MTMR7: variants seen among roughly 807,000 people sequenced by gnomAD.
The protein encoded by MTMR7 is phosphatidylinositol-3-phosphate phosphatase MTMR7.
MTMR7 carries 76 observed loss-of-function variants against 81.2 expected under a neutral mutation model. The observed-to-expected ratio is 0.94, with a 90% CI of 0.78 to 1.13. MTMR7 has a LOEUF of 1.13. MTMR7 is among the 50% of genes most tolerant of loss of function. MTMR7 has a pLI of 0.00. For synonymous variants in MTMR7, 372 were observed against 289.8 expected, an observed-to-expected ratio of 1.28 and a Z score of -2.88; for missense variants, 1,044 against 820.0, an observed-to-expected ratio of 1.27 and a Z score of -3.34.
intron 1 of MTMR7, among the ~76,000 whole-genome samples, chr8:17,380,703 A>T (rs934460265): frequency 1.3e-5 from 2 of 152,226 alleles, no homozygotes; most frequent in African/African-American, 4.8e-5. Context: ...AGCCACGTTC[A>T]TCCTTCACCA....
Position 17,341,290 on chromosome 8 carries a change from G to C in MTMR7, c.732+73C>G, listed in dbSNP as rs1819399775. 3.2e-6 allele frequency: 5 copies of C among 1,579,544 alleles called. No homozygotes were observed. The South Asian group carries it at 5.8e-5, about 18-fold the overall frequency. On this transcript the variant is annotated intron_variant, in intron 6 of 13. Coordinates refer to ENST00000180173, the MANE Select transcript of MTMR7 (RefSeq NM_004686.5). ...GAAGCAACCTGCACAAGAGATGGCAGTCGGCTAGCCTTTGCCTGTCTCCAG... is the reference window on the plus strand; with the variant it reads ...GAAGCAACCTGCACAAGAGATGGCACTCGGCTAGCCTTTGCCTGTCTCCAG...
intron 3 of MTMR7, among the ~76,000 whole-genome samples, chr8:17,364,188 C>G (rs945386509): frequency 2.0e-5 from 3 of 151,682 alleles, no homozygotes; most frequent in African/African-American, 7.3e-5. Flanking sequence ...CGCCACCACG[C>G]CCGGCTAATT....
chr8:17,299,244 T>G lies in MTMR7; in HGVS notation c.*618A>C, dbSNP rs1163769248. 6.6e-6 allele frequency: 1 copy of G among 152,184 alleles called. No individual in the cohort carries two copies. Among genetic ancestry groups the G allele is most frequent in the African/African-American group, 2.4e-5 (1 of 41,440 alleles). The allele number at this position is 152,184 out of a possible 1,614,324, so 9.4% of individuals were successfully genotyped here. A position where few individuals can be genotyped will look rare whatever the true frequency, so the allele number is the denominator to read the frequency against. ...ATAATGAGGAGAAACAGACTATAGATCTCAGAGAAAAGCAACAAAATTATT... is the reference window on the plus strand; with the variant it reads ...ATAATGAGGAGAAACAGACTATAGAGCTCAGAGAAAAGCAACAAAATTATT... On this transcript the variant is annotated 3_prime_UTR_variant, in exon 14 of 14. Transcript: ENST00000180173.
At position 17,302,806 on chromosome 8, in the gene MTMR7, G is replaced by A. The variant is rs572082930; in HGVS notation, c.1494-526C>T. ...CGGCTCCTTGCAACCTCCACCTCCC[G>A]GGTTCAAGCGATTCTCCTGCCTCAG... On this transcript the variant is annotated intron_variant, in intron 12 of 13. Coordinates refer to ENST00000180173, the MANE Select transcript of MTMR7 (RefSeq NM_004686.5). 2.8e-4 allele frequency among the ~76,000 whole-genome samples: 39 copies of A among 138,170 alleles called. 1 individual carries two copies. Among genetic ancestry groups the A allele is most frequent in the African/African-American group, 1.0e-3 (37 of 36,974 alleles). 90.6% of individuals were successfully genotyped at this position (138,170 alleles called of 152,430 possible).
chr8:17,377,465 T>G (rs1229392116), intron 1 of MTMR7, among the ~76,000 whole-genome samples: 1 of 152,130 alleles, frequency 6.6e-6, no homozygotes. Flanking sequence ...AGGCAAAGGT[T>G]TTTCTTTAAA....
chr8:17,365,760 T>C (rs1453083027), intron 3 of MTMR7, among the ~76,000 whole-genome samples: 1 of 152,254 alleles, frequency 6.6e-6, no homozygotes, highest in East Asian at 1.9e-4. Flanking sequence ...TACAGTATCA[T>C]ATATTATCTA....
intron 9 of MTMR7, among the ~76,000 whole-genome samples, chr8:17,310,173 T>A (rs927811033): frequency 2.0e-5 from 3 of 151,852 alleles, no homozygotes; most frequent in Non-Finnish European, 2.9e-5. Context: ...AATTTTTTTT[T>A]AATTTTTTAT....
At chr8:17,386,858 T>A (rs938505268) in intron 1 of MTMR7, among the ~76,000 whole-genome samples, 2 of 152,168 alleles carry the variant, frequency 1.3e-5, no homozygotes, top group Admixed American at 1.3e-4. Context: ...AAACTGAGCA[T>A]AGAGCAGGCA....
At position 17,365,762 on chromosome 8, in the gene MTMR7, T is replaced by C. The variant is rs180984296; in HGVS notation, c.311-4488A>G. 1.6e-4 allele frequency among the ~76,000 whole-genome samples: 25 copies of C among 152,368 alleles called. No individual in the cohort carries two copies. In the East Asian group the frequency reaches 2.5e-3, roughly 15 times the overall value. On this transcript the variant is annotated intron_variant, in intron 3 of 13. Coordinates refer to ENST00000180173, the MANE Select transcript of MTMR7 (RefSeq NM_004686.5). ...AAATCTTGGTATTTACAGTATCATATATTATCTAATTAAATCATATAACTA... is the reference window on the plus strand; with the variant it reads ...AAATCTTGGTATTTACAGTATCATACATTATCTAATTAAATCATATAACTA...
intron 6 of MTMR7, among the ~76,000 whole-genome samples, chr8:17,331,668 G>A (rs747607113): frequency 6.6e-6 from 1 of 152,174 alleles, no homozygotes; most frequent in Non-Finnish European, 1.5e-5. Flanking sequence ...AGCAGAAACA[G>A]CTGTCAAAAT....
Position 17,374,257 on chromosome 8 carries a change from G to A in MTMR7, c.25-1017C>T, listed in dbSNP as rs190635750. Among the ~76,000 whole-genome samples the A allele has an allele frequency of 1.6e-4, 24 of 152,210 alleles. No homozygotes were observed. The East Asian group carries it at 3.3e-3, about 21-fold the overall frequency. ...TCCCAGCACTTTGGGAAGCCGAGGC[G>A]AGTGGATCACCTGAGGTGAGGAGTT... is the stretch of plus-strand genomic sequence containing the variant. On this transcript the variant is annotated intron_variant, in intron 1 of 13. Transcript: ENST00000180173.
intron 2 of MTMR7, 67 bp from the exon 3 acceptor site, chr8:17,371,266 T>A (rs1820412821): frequency 6.6e-7 from 1 of 1,510,832 alleles, no homozygotes; most frequent in Non-Finnish European, 9.0e-7. Flanking sequence ...AGGACTAACA[T>A]TTCTTTGTGG....
intron 3 of MTMR7, among the ~76,000 whole-genome samples, chr8:17,363,398 A>G (rs892586113): frequency 6.6e-6 from 1 of 152,236 alleles, no homozygotes; most frequent in Admixed American, 6.5e-5. Flanking sequence ...AAATATTTAC[A>G]AATAGCTTTA....
Position 17,374,902 on chromosome 8 carries a change from A to G in MTMR7, c.25-1662T>C, listed in dbSNP as rs1457947213. ...TCGGGAGTTCAAGACCAGCCTGGCC[A>G]ACATGGTGAAACCCCGTCTCTACTA... is the stretch of plus-strand genomic sequence containing the variant. On this transcript the variant is annotated intron_variant, in intron 1 of 13. Coordinates refer to ENST00000180173, the MANE Select transcript of MTMR7 (RefSeq NM_004686.5). Among the ~76,000 whole-genome samples, 3 of 152,272 alleles carry G rather than the reference A, an allele frequency of 2.0e-5. No individual in the cohort carries two copies. In the East Asian group the frequency reaches 5.8e-4, roughly 30 times the overall value.
chr8:17,405,275 C>T (rs893805668), intron 1 of MTMR7, among the ~76,000 whole-genome samples: 2 of 152,118 alleles, frequency 1.3e-5, no homozygotes, highest in Non-Finnish European at 2.9e-5. Context: ...AAGTAGCCTC[C>T]CAGTGTTTCA....
intron 1 of MTMR7, among the ~76,000 whole-genome samples, chr8:17,390,553 G>C (rs921582122): frequency 2.0e-5 from 3 of 152,146 alleles, no homozygotes; most frequent in African/African-American, 7.2e-5. Context: ...AGCAGGATAA[G>C]CAGTTGAGTG....
Position 17,299,755 on chromosome 8 carries a change from T to G in MTMR7, c.*107A>C, listed in dbSNP as rs1490864846. 9 of 1,474,920 alleles carry G rather than the reference T, an allele frequency of 6.1e-6. No individual in the cohort carries two copies. In the Admixed American group the frequency reaches 8.5e-5, roughly 14 times the overall value. 91.4% of individuals were successfully genotyped at this position (1,474,920 alleles called of 1,614,324 possible). A position where few individuals can be genotyped will look rare whatever the true frequency, so the allele number is the denominator to read the frequency against. ...CTTTTCATAGCTGCATTAAAGTAGTTCTCAATGACATGCACCATTTCCTGT... is the reference window on the plus strand; with the variant it reads ...CTTTTCATAGCTGCATTAAAGTAGTGCTCAATGACATGCACCATTTCCTGT... On this transcript the variant is annotated 3_prime_UTR_variant, in exon 14 of 14. Transcript: ENST00000180173.
At chr8:17,400,357 G>C (rs530415214) in intron 1 of MTMR7, among the ~76,000 whole-genome samples, 2 of 152,302 alleles carry the variant, frequency 1.3e-5, no homozygotes, top group African/African-American at 4.8e-5. Flanking sequence ...ATAAGTTAGT[G>C]AGCTGTAAGA....
At chr8:17,391,585 A>G (rs1821110895) in intron 1 of MTMR7, among the ~76,000 whole-genome samples, 1 of 152,198 alleles carries the variant, frequency 6.6e-6, no homozygotes, top group African/African-American at 2.4e-5. Flanking sequence ...GTATCCGTTT[A>G]GCTTAAAAGG....
Sources: gnomAD v4.1 joint callset for allele counts (sites outside exome capture counted in the v4.1 genomes callset) on GRCh38, gnomAD v4.1.1 for gene constraint, MANE v1.5 for transcripts, NCBI Gene and HGNC (gene_info 2026-07-23, HGNC 2026-07-21) for gene names.